LOC128462377: variants seen among roughly 807,000 people sequenced by gnomAD.
the LOC128462377 span, among the ~76,000 whole-genome samples, chr16:89,396,810 C>A: frequency 1.1e-4 from 17 of 152,256 alleles, no homozygotes; most frequent in Admixed American, 9.8e-4. Context: ...CCTCAGCCTC[C>A]CGAGTAGCTG....
chr16:89,350,941 C>A, the LOC128462377 span, among the ~76,000 whole-genome samples: 1 of 152,194 alleles, frequency 6.6e-6, no homozygotes, highest in African/African-American at 2.4e-5. Flanking sequence ...GCAACAGGCT[C>A]TACCATGTAG....
chr16:89,337,007 CAAAAAAA>C, the LOC128462377 span, among the ~76,000 whole-genome samples: 297 of 47,746 alleles, frequency 6.2e-3, 1 homozygote, highest in African/African-American at 0.02. Flanking sequence ...CTGGCTCTAC[CAAAAAAA>C]AAAAAAAAAA....
chr16:89,349,134 T>TA, the LOC128462377 span, among the ~76,000 whole-genome samples: 5,261 of 16,438 alleles, frequency 0.32, 1,272 homozygotes, highest in East Asian at 0.38. Context: ...TCTCAAAAAG[T>TA]AAAAAAAAAA....
the LOC128462377 span, among the ~76,000 whole-genome samples, chr16:89,350,298 G>C: frequency 6.6e-6 from 1 of 152,178 alleles, no homozygotes; most frequent in Admixed American, 6.5e-5. Flanking sequence ...AAACATTCAT[G>C]TAACATGTGA....
At chr16:89,401,758 G>T in the LOC128462377 span, among the ~76,000 whole-genome samples, 42 of 152,110 alleles carry the variant, frequency 2.8e-4, no homozygotes, top group Non-Finnish European at 5.4e-4. Flanking sequence ...TTCTACAAAG[G>T]GCAGACGTGG....
chr16:89,357,166 G>A, the LOC128462377 span, among the ~76,000 whole-genome samples: 6 of 152,202 alleles, frequency 3.9e-5, no homozygotes, highest in South Asian at 2.1e-4. Flanking sequence ...AGGTAGGCTC[G>A]GCCAGAGCTA....
At chr16:89,409,879 G>A in the LOC128462377 span, among the ~76,000 whole-genome samples, 1 of 145,222 alleles carries the variant, frequency 6.9e-6, no homozygotes, top group South Asian at 2.1e-4. Context: ...TCGCTCTGTC[G>A]CCCAGGCTGG....
the LOC128462377 span, chr16:89,324,266 T>TA: frequency 2.4e-6 from 3 of 1,238,514 alleles, no homozygotes; most frequent in Non-Finnish European, 3.1e-6. Flanking sequence ...CTGTGGAACA[T>TA]ACAGGAGCCC....
At chr16:89,402,157 T>G in the LOC128462377 span, among the ~76,000 whole-genome samples, 3 of 152,106 alleles carry the variant, frequency 2.0e-5, no homozygotes, top group African/African-American at 7.2e-5. Context: ...TGTGTAACTT[T>G]TAGAGTAAGG....
At chr16:89,324,401 T>C in the LOC128462377 span, 1 of 551,506 alleles carries the variant, frequency 1.8e-6, no homozygotes, top group Non-Finnish European at 3.2e-6. Context: ...TCAGCTTCGT[T>C]AGTCATCAAG....
the LOC128462377 span, among the ~76,000 whole-genome samples, chr16:89,415,390 G>A: frequency 2.7e-5 from 4 of 147,144 alleles, no homozygotes; most frequent in South Asian, 2.2e-4. Flanking sequence ...TCAGCCTCCC[G>A]AGTAGCTGGG....
the LOC128462377 span, among the ~76,000 whole-genome samples, chr16:89,345,279 G>C: frequency 2.3e-5 from 3 of 129,118 alleles, no homozygotes; most frequent in African/African-American, 9.3e-5. Flanking sequence ...AAAGGAGAGA[G>C]AGAAGACCCA....
chr16:89,351,029 C>A, the LOC128462377 span, among the ~76,000 whole-genome samples: 2 of 152,162 alleles, frequency 1.3e-5, no homozygotes, highest in Admixed American at 6.6e-5. Context: ...GATCACCTAA[C>A]AACGCATTTC....
At chr16:89,401,901 C>T in the LOC128462377 span, among the ~76,000 whole-genome samples, 1 of 152,066 alleles carries the variant, frequency 6.6e-6, no homozygotes, top group African/African-American at 2.4e-5. Flanking sequence ...AGAGACTCCC[C>T]CATCCCCCAG....
the LOC128462377 span, chr16:89,324,373 C>T: frequency 3.9e-6 from 3 of 768,126 alleles, no homozygotes; most frequent in South Asian, 4.2e-5. Flanking sequence ...AGGAGGGCGG[C>T]ACGTGGGCGC....
At chr16:89,393,305 TTTA>T in the LOC128462377 span, among the ~76,000 whole-genome samples, 1 of 150,502 alleles carries the variant, frequency 6.6e-6, no homozygotes, top group South Asian at 2.1e-4. Context: ...TTTTACTTTT[TTTA>T]TTTTTATTTT....
At chr16:89,361,296 C>G in the LOC128462377 span, among the ~76,000 whole-genome samples, 1 of 152,220 alleles carries the variant, frequency 6.6e-6, no homozygotes, top group Non-Finnish European at 1.5e-5. Context: ...CCTTCCTTGG[C>G]CTCAGCACAC....
At chr16:89,332,692 G>A in the LOC128462377 span, among the ~76,000 whole-genome samples, 1 of 152,188 alleles carries the variant, frequency 6.6e-6, no homozygotes, top group African/African-American at 2.4e-5. Context: ...GACCAGGCAG[G>A]GCTCTCCTCC....
chr16:89,386,040 C>T, the LOC128462377 span, among the ~76,000 whole-genome samples: 2 of 152,222 alleles, frequency 1.3e-5, no homozygotes, highest in Admixed American at 1.3e-4. Flanking sequence ...CCGCCATGCC[C>T]GCAAACTGGG....
Sources: gnomAD v4.1 joint callset for allele counts (sites outside exome capture counted in the v4.1 genomes callset) on GRCh38, gnomAD v4.1.1 for gene constraint, MANE v1.5 for transcripts.